The following ACBD5 variants were observed in gnomAD, a reference collection of about 807,000 sequenced individuals.
ACBD5 encodes acyl-CoA binding domain containing 5.
A neutral mutation model predicts 71.8 loss-of-function variants in ACBD5; 40 were observed. That is an observed-to-expected ratio of 0.56 (90% CI 0.43 to 0.72). ACBD5 has a LOEUF of 0.72. Among genes scored for constraint, ACBD5 ranks in the 30% least tolerant of loss-of-function variants. The pLI, the probability that ACBD5 is intolerant of heterozygous loss-of-function variation, is 0.00. For missense variants in ACBD5, 559 were observed against 644.5 expected (o/e 0.87, Z 1.44); for synonymous variants, 229 against 218.6 (o/e 1.05, Z -0.42).
At chr10:27,235,254 C>T (rs1433663341) in intron 2 of ACBD5, 42 bp from the exon 3 acceptor site, 15 of 1,610,582 alleles carry the variant, frequency 9.3e-6, no homozygotes, top group Admixed American at 1.7e-5. Flanking sequence ...CTGGGGAATA[C>T]AACTGATAAT....
chr10:27,189,255 C>T (rs371752539), intron 13 of ACBD5, among the ~76,000 whole-genome samples: 2 of 152,212 alleles, frequency 1.3e-5, no homozygotes, highest in Admixed American at 6.5e-5. Context: ...TCTCAAACTC[C>T]GGACTTCGTG....
intron 9 of ACBD5, 110 bp downstream of exon 9, chr10:27,210,704 G>A (rs970402868): frequency 3.5e-5 from 50 of 1,436,288 alleles, no homozygotes; most frequent in Non-Finnish European, 4.4e-5. Flanking sequence ...GTTGCAGTGA[G>A]CCGAGATTGC....
chr10:27,240,967 G>T (rs1589442879), upstream of ACBD5: 4 of 590,802 alleles, frequency 6.8e-6, no homozygotes, highest in East Asian at 8.5e-5. The surrounding 1 kb of genome is among the most constrained non-coding windows in gnomAD (Gnocchi z 4.1). Context: ...GCGGGGAAAG[G>T]GGGCCACAGT....
At chr10:27,189,715 T>C (rs1327598361) in intron 13 of ACBD5, among the ~76,000 whole-genome samples, 3 of 151,520 alleles carry the variant, frequency 2.0e-5, no homozygotes, top group Non-Finnish European at 2.9e-5. Context: ...TGTATACATA[T>C]GTAACAAACC....
intron 12 of ACBD5, among the ~76,000 whole-genome samples, chr10:27,202,969 CTTTTTTT>C (rs775633178): frequency 4.2e-5 from 3 of 70,780 alleles, no homozygotes; most frequent in Admixed American, 2.4e-4. Flanking sequence ...TCTATATCCT[CTTTTTTT>C]TTTTTTTTTT....
At chr10:27,232,035 T>C (rs1407443620) in intron 3 of ACBD5, among the ~76,000 whole-genome samples, 2 of 152,124 alleles carry the variant, frequency 1.3e-5, no homozygotes, top group Non-Finnish European at 1.5e-5. Context: ...ATATAACCCG[T>C]CTATGTAGTA....
chr10:27,222,824 C>T (rs373213021), intron 5 of ACBD5, among the ~76,000 whole-genome samples: 211 of 152,202 alleles, frequency 1.4e-3, no homozygotes, highest in South Asian at 6.0e-3. Context: ...TGCCCGCTTT[C>T]GCTTCCCAAA....
Position 27,219,715 on chromosome 10 carries a change from A to G in ACBD5, c.625+8T>C. On this transcript the variant is annotated splice_region_variant and intron_variant, in intron 6 of 12. Transcript: ENST00000396271. ...TGCAAAATTACTAACTGATTTTCCA[A>G]ACATTACCATTATCACTTTGTTCTG... The G allele has an allele frequency of 6.2e-7, 1 of 1,613,700 alleles. No homozygotes were observed. Among genetic ancestry groups the G allele is most frequent in the East Asian group, 2.2e-5 (1 of 44,848 alleles).
chr10:27,220,887 A>G (rs536110626), intron 5 of ACBD5, among the ~76,000 whole-genome samples: 2 of 151,794 alleles, frequency 1.3e-5, no homozygotes, highest in Non-Finnish European at 2.9e-5. Flanking sequence ...CTTTGTTTAG[A>G]AAAAAAAAGG....
chr10:27,241,937 A>G (rs972111173), upstream of ACBD5: 3 of 411,520 alleles, frequency 7.3e-6, no homozygotes, highest in Non-Finnish European at 1.5e-5. Context: ...GAAATCCCAA[A>G]GTCTCCCGGA....
At chr10:27,209,770 T>A (rs2060868191) in intron 9 of ACBD5, among the ~76,000 whole-genome samples, 2 of 152,194 alleles carry the variant, frequency 1.3e-5, no homozygotes, top group African/African-American at 4.8e-5. Flanking sequence ...TATACATGAT[T>A]TTATGTCCTA....
chr10:27,228,813 A>AT (rs2063453996), intron 4 of ACBD5, among the ~76,000 whole-genome samples: 8 of 7,628 alleles, frequency 1.0e-3, no homozygotes, highest in Non-Finnish European at 3.2e-3. Context: ...ATATATATAT[A>AT]TATTTTTTTT....
intron 11 of ACBD5, among the ~76,000 whole-genome samples, chr10:27,204,852 G>C (rs788205): frequency 6.6e-6 from 1 of 152,082 alleles, no homozygotes; most frequent in Non-Finnish European, 1.5e-5. Flanking sequence ...CATGGGCCGG[G>C]CGCGGTGGCT....
intron 4 of ACBD5, among the ~76,000 whole-genome samples, chr10:27,229,315 C>T (rs900828111): frequency 3.9e-5 from 6 of 152,084 alleles, no homozygotes; most frequent in African/African-American, 1.4e-4. Flanking sequence ...AGGCCAGGCA[C>T]ACGGTGGCTC....
At chr10:27,201,613 GT>G (rs1441757479) in intron 12 of ACBD5, among the ~76,000 whole-genome samples, 2 of 152,154 alleles carry the variant, frequency 1.3e-5, no homozygotes, top group Non-Finnish European at 2.9e-5. Context: ...GACCAGTCTG[GT>G]CAACATGGCG....
At chr10:27,230,920 T>C (rs879840751) in intron 4 of ACBD5, among the ~76,000 whole-genome samples, 58 of 152,120 alleles carry the variant, frequency 3.8e-4, no homozygotes, top group Non-Finnish European at 7.5e-4. Flanking sequence ...TGCCCCTTCC[T>C]TACTAGTTAG....
chr10:27,227,160 A>C (rs1473040561), intron 4 of ACBD5, among the ~76,000 whole-genome samples: 2 of 151,976 alleles, frequency 1.3e-5, no homozygotes, highest in East Asian at 3.9e-4. Context: ...AACTAAGCTA[A>C]TTTAATATAT....
At chr10:27,186,680 A>G (rs2058773545) in intron 13 of ACBD5, 1 of 785,484 alleles carries the variant, frequency 1.3e-6, no homozygotes, top group Non-Finnish European at 2.2e-6. Flanking sequence ...TACAGCTTTC[A>G]CAGAGTTAAA....
intron 12 of ACBD5, among the ~76,000 whole-genome samples, chr10:27,199,367 T>C (rs928051987): frequency 3.9e-5 from 6 of 151,902 alleles, no homozygotes; most frequent in Non-Finnish European, 7.4e-5. Flanking sequence ...GAACTCCCAG[T>C]CTTCTAAGGT....
Sources: allele counts gnomAD v4.1 joint callset (sites outside exome capture counted in the v4.1 genomes callset), GRCh38; gene constraint gnomAD v4.1.1; non-coding constraint Gnocchi (gnomAD v3.1); transcripts MANE v1.5; gene names NCBI Gene and HGNC (gene_info 2026-07-23, HGNC 2026-07-21).